The following PCDH15 variants were observed in gnomAD, a reference collection of about 807,000 sequenced individuals.
PCDH15 encodes the protein protocadherin related 15.
PCDH15 carries 129 observed loss-of-function variants against 178.5 expected under a neutral mutation model. The ratio of observed to expected loss-of-function variants is 0.72; its 90% CI spans 0.63 to 0.84. The LOEUF (loss-of-function observed/expected upper bound fraction) is 0.84. PCDH15 is among the 40% of genes least tolerant of loss of function. The pLI is 0.00. For synonymous variants in PCDH15, 800 were observed against 732.0 expected, an observed-to-expected ratio of 1.09 and a Z score of -1.50; for missense variants, 2,230 against 2,099.9, an observed-to-expected ratio of 1.06 and a Z score of -1.21.
chr10:55,217,380 T>A (rs1238779623), intron 1 of PCDH15, among the ~76,000 whole-genome samples: 1 of 152,066 alleles, frequency 6.6e-6, no homozygotes, highest in East Asian at 1.9e-4. Context: ...TGTTGCTGAG[T>A]GTACGTTGCT....
intron 2 of PCDH15, among the ~76,000 whole-genome samples, chr10:55,459,049 T>A (rs1348465744): frequency 6.6e-6 from 1 of 151,896 alleles, no homozygotes; most frequent in Non-Finnish European, 1.5e-5. Flanking sequence ...TTGCTGGTGC[T>A]AGGTTTGACT....
At chr10:55,143,742 C>A (rs530939978) in intron 2 of PCDH15, among the ~76,000 whole-genome samples, 1 of 152,074 alleles carries the variant, frequency 6.6e-6, no homozygotes, top group South Asian at 2.1e-4. Flanking sequence ...ACCTATGAAA[C>A]AAGCTGCTAA....
chr10:55,207,590 T>C (rs1840436358), intron 1 of PCDH15, among the ~76,000 whole-genome samples: 1 of 152,184 alleles, frequency 6.6e-6, no homozygotes, highest in Admixed American at 6.5e-5. Flanking sequence ...AATTAAAACA[T>C]AGCTAAGCAT....
intron 3 of PCDH15, among the ~76,000 whole-genome samples, chr10:54,512,278 G>A (rs568603426): frequency 5.3e-5 from 8 of 151,212 alleles, no homozygotes; most frequent in Admixed American, 5.3e-4. Flanking sequence ...GTAGATGCAG[G>A]TATGGTTTCA....
chr10:54,300,513 C>T (rs2060084854), intron 8 of PCDH15, among the ~76,000 whole-genome samples: 1 of 152,192 alleles, frequency 6.6e-6, no homozygotes, highest in Non-Finnish European at 1.5e-5. Flanking sequence ...CTGGAGGACA[C>T]TACAGCTGCA....
chr10:54,171,105 C>T (rs2046861020), intron 13 of PCDH15, among the ~76,000 whole-genome samples: 1 of 152,116 alleles, frequency 6.6e-6, no homozygotes, highest in Non-Finnish European at 1.5e-5. Context: ...CATTTCTTCC[C>T]TTCTGTCAGA....
chr10:55,576,030 G>A (rs2132114753), intron 2 of PCDH15, among the ~76,000 whole-genome samples: 1 of 152,170 alleles, frequency 6.6e-6, no homozygotes, highest in South Asian at 2.1e-4. Context: ...AATACTCTTA[G>A]TTTATTTGAG....
chr10:55,067,528 GT>G (rs1319324993), intron 2 of PCDH15, among the ~76,000 whole-genome samples: 1 of 151,808 alleles, frequency 6.6e-6, no homozygotes, highest in Non-Finnish European at 1.5e-5. Context: ...GTGAATAGTG[GT>G]TTGACAAATA....
At chr10:54,853,328 CACATAT>C (rs1564570405) in intron 3 of PCDH15, among the ~76,000 whole-genome samples, 2 of 118,402 alleles carry the variant, frequency 1.7e-5, no homozygotes, top group African/African-American at 3.4e-5. Context: ...TACATACACA[CACATAT>C]ACATATATAT....
At chr10:54,299,642 C>G in intron 8 of PCDH15, among the ~76,000 whole-genome samples, 1 of 152,096 alleles carries the variant, frequency 6.6e-6, no homozygotes, top group East Asian at 1.9e-4. Flanking sequence ...AAGGTCTGAC[C>G]AGATCTAGGA....
intron 2 of PCDH15, among the ~76,000 whole-genome samples, chr10:55,413,762 C>G (rs1201741784): frequency 6.6e-6 from 1 of 151,578 alleles, no homozygotes; most frequent in Non-Finnish European, 1.5e-5. Context: ...ACTTTTTAAT[C>G]TCAGAAATCT....
intron 25 of PCDH15, among the ~76,000 whole-genome samples, chr10:53,930,952 G>A (rs898462609): frequency 6.6e-6 from 1 of 152,154 alleles, no homozygotes; most frequent in African/African-American, 2.4e-5. Flanking sequence ...GTAAAAGGAA[G>A]ATAATTATTT....
At chr10:54,942,408 T>C (rs1254887948) in intron 2 of PCDH15, among the ~76,000 whole-genome samples, 2 of 151,906 alleles carry the variant, frequency 1.3e-5, no homozygotes, top group Non-Finnish European at 2.9e-5. Context: ...TGTTTGCTTA[T>C]TTGTAAATAA....
intron 1 of PCDH15, among the ~76,000 whole-genome samples, chr10:55,189,626 A>G (rs1225427248): frequency 6.6e-6 from 1 of 151,868 alleles, no homozygotes; most frequent in East Asian, 1.9e-4. Context: ...TACATAAACT[A>G]TATTCAAATC....
intron 1 of PCDH15, among the ~76,000 whole-genome samples, chr10:54,725,895 A>C (rs1441784612): frequency 6.7e-6 from 1 of 148,156 alleles, no homozygotes; most frequent in East Asian, 2.0e-4. Context: ...TGGTAAAAAA[A>C]AATTACTGCT....
chr10:54,744,631 GA>G (rs762281055), intron 1 of PCDH15, among the ~76,000 whole-genome samples: 25 of 152,136 alleles, frequency 1.6e-4, no homozygotes, highest in Admixed American at 4.6e-4. Context: ...AAAAGACAAA[GA>G]AAACTTATAG....
chr10:54,283,131 G>A, intron 8 of PCDH15, among the ~76,000 whole-genome samples: 1 of 152,038 alleles, frequency 6.6e-6, no homozygotes, highest in South Asian at 2.1e-4. Flanking sequence ...AGAAACTAAG[G>A]CAATATTTAT....
At chr10:55,089,471 T>A (rs528674924) in intron 2 of PCDH15, among the ~76,000 whole-genome samples, 1 of 152,198 alleles carries the variant, frequency 6.6e-6, no homozygotes, top group South Asian at 2.1e-4. Flanking sequence ...AAAATTCAAA[T>A]TAAGAACAGC....
chr10:54,469,137 C>T (rs1364680747), intron 3 of PCDH15, among the ~76,000 whole-genome samples: 2 of 152,094 alleles, frequency 1.3e-5, no homozygotes, highest in African/African-American at 4.8e-5. Context: ...TGCTCTGTTG[C>T]CCAGTTTGGA....
Sources: gnomAD v4.1 joint callset for allele counts (sites outside exome capture counted in the v4.1 genomes callset) on GRCh38, gnomAD v4.1.1 for gene constraint, MANE v1.5 for transcripts, NCBI Gene and HGNC (gene_info 2026-07-23, HGNC 2026-07-21) for gene names.